STRN: variants seen among roughly 807,000 people sequenced by gnomAD.
STRN encodes striatin, also known as protein phosphatase 2 regulatory subunit B'''alpha.
STRN carries 53 observed loss-of-function variants against 96.3 expected under a neutral mutation model. The observed-to-expected ratio is 0.55, with a 90% CI of 0.44 to 0.69. The LOEUF (loss-of-function observed/expected upper bound fraction) is 0.69. Among genes scored for constraint, STRN ranks in the 30% least tolerant of loss-of-function variants. STRN has a pLI of 0.00. For synonymous variants in STRN, 428 were observed against 355.9 expected (o/e 1.20, Z -2.28); for missense variants, 987 against 963.9 (o/e 1.02, Z -0.32).
At position 36,838,271 on chromosome 2, in the gene STRN, T is replaced by C. The variant is rs1326378733; in HGVS notation, c.*11185A>G. 3.3e-5 allele frequency among the ~76,000 whole-genome samples: 5 copies of C among 152,308 alleles called. No individual in the cohort carries two copies. The highest frequency in any genetic ancestry group is 2.1e-4 in the South Asian group (1 of 4,828). ...GACAGGGACCTCCATCCTCTGACTT[T>C]AATGAGGCTGGAAGCGAATTCCTCC... On this transcript the variant is annotated 3_prime_UTR_variant, in exon 18 of 18. Coordinates refer to ENST00000263918, the MANE Select transcript of STRN (RefSeq NM_003162.4).
chr2:36,965,323 T>A (rs1665131911), intron 1 of STRN, among the ~76,000 whole-genome samples: 1 of 152,250 alleles, frequency 6.6e-6, no homozygotes, highest in South Asian at 2.1e-4. Flanking sequence ...GAACAACCAC[T>A]GAAAACCTAT....
chr2:36,855,179 TAAAC>T (rs1404323898), intron 15 of STRN, 29 bp downstream of exon 15: 4 of 1,602,292 alleles, frequency 2.5e-6, no homozygotes, highest in South Asian at 2.2e-5. Context: ...GTTAAAAAAA[TAAAC>T]ACAGACAATT....
At chr2:36,917,640 C>A (rs1445331275) in intron 2 of STRN, among the ~76,000 whole-genome samples, 2 of 149,952 alleles carry the variant, frequency 1.3e-5, no homozygotes, top group Non-Finnish European at 3.0e-5. Context: ...CAATAATAAT[C>A]ATTTTGCAGT....
rs1668088076 is a variant in STRN, at chr2:36,846,726, T to C, written c.*2730A>G. On this transcript the variant is annotated 3_prime_UTR_variant, in exon 18 of 18. Transcript: ENST00000263918. ...TTGTTAAACTTGTTCAATAGAAAAA[T>C]ACTGAAGGTCATTATATCACTTTTG... The C allele has an allele frequency of 6.6e-6, 1 of 151,844 alleles. No homozygotes were observed. Among genetic ancestry groups the C allele is most frequent in the Non-Finnish European group, 1.5e-5 (1 of 67,958 alleles). 9.4% of individuals were successfully genotyped at this position (151,844 alleles called of 1,614,324 possible).
intron 7 of STRN, among the ~76,000 whole-genome samples, chr2:36,887,055 A>G (rs1181329851): frequency 1.9e-4 from 2 of 10,260 alleles, no homozygotes; most frequent in African/African-American, 2.3e-4. Context: ...ACACACACAC[A>G]CACACACACA....
Position 36,849,379 on chromosome 2 carries a change from C to A in STRN, c.*77G>T. 1 of 1,517,642 alleles carries A rather than the reference C, an allele frequency of 6.6e-7. No individual in the cohort carries two copies. The highest frequency in any genetic ancestry group is 1.2e-5 in the South Asian group (1 of 82,918). The allele number at this position is 1,517,642 out of a possible 1,614,324, so 94.0% of individuals were successfully genotyped here. A position where few individuals can be genotyped will look rare whatever the true frequency, so the allele number is the denominator to read the frequency against. Reference sequence around the variant, plus strand: ...AACAAAAGGGCAGGACGAGATGATTCTTGCCCTCGTCTTCTGTATCTCTTG... The same window carrying A: ...AACAAAAGGGCAGGACGAGATGATTATTGCCCTCGTCTTCTGTATCTCTTG... On this transcript the variant is annotated 3_prime_UTR_variant, in exon 18 of 18. Transcript: ENST00000263918.
chr2:36,949,536 A>C (rs1664701079), intron 1 of STRN, among the ~76,000 whole-genome samples: 1 of 152,242 alleles, frequency 6.6e-6, no homozygotes, highest in Non-Finnish European at 1.5e-5. Flanking sequence ...AGTCACCCAG[A>C]TATGAGGTGA....
chr2:36,954,806 T>C (rs1439413704), intron 1 of STRN, among the ~76,000 whole-genome samples: 1 of 151,800 alleles, frequency 6.6e-6, no homozygotes, highest in Non-Finnish European at 1.5e-5. Flanking sequence ...CCCAGCTAAT[T>C]TTTTGTATTT....
intron 1 of STRN, among the ~76,000 whole-genome samples, chr2:36,954,221 C>G (rs903086099): frequency 1.3e-5 from 2 of 151,870 alleles, no homozygotes; most frequent in Non-Finnish European, 2.9e-5. Context: ...TAAAAAAGCT[C>G]CAAATTTGGC....
At chr2:36,874,494 T>C (rs1318149274) in intron 10 of STRN, among the ~76,000 whole-genome samples, 3 of 151,914 alleles carry the variant, frequency 2.0e-5, no homozygotes, top group Non-Finnish European at 4.4e-5. Context: ...CGAAGAGAAA[T>C]GGCTGAGAAC....
At chr2:36,924,127 C>T (rs1425011423) in intron 2 of STRN, among the ~76,000 whole-genome samples, 1 of 151,884 alleles carries the variant, frequency 6.6e-6, no homozygotes, top group Admixed American at 6.6e-5. Context: ...GAGGCCGAGA[C>T]GGGGGGATCA....
intron 2 of STRN, among the ~76,000 whole-genome samples, chr2:36,920,278 G>A (rs1355320160): frequency 1.3e-5 from 2 of 152,076 alleles, no homozygotes; most frequent in Non-Finnish European, 2.9e-5. Context: ...TTTTAAAAAT[G>A]TCTTAGATTA....
intron 4 of STRN, among the ~76,000 whole-genome samples, chr2:36,903,605 T>G (rs1282860308): frequency 1.3e-5 from 2 of 152,108 alleles, no homozygotes; most frequent in Non-Finnish European, 2.9e-5. Flanking sequence ...AGGCACCGAG[T>G]CTACTGGATG....
chr2:36,943,508 A>G (rs1213419074), intron 1 of STRN, among the ~76,000 whole-genome samples: 1 of 152,104 alleles, frequency 6.6e-6, no homozygotes, highest in East Asian at 1.9e-4. Flanking sequence ...CAGAAGACAT[A>G]AAACAGTTAA....
chr2:36,912,270 ACT>A (rs1428006665), intron 3 of STRN, among the ~76,000 whole-genome samples: 1 of 152,044 alleles, frequency 6.6e-6, no homozygotes, highest in Non-Finnish European at 1.5e-5. Context: ...GCACACACAC[ACT>A]TTCCTTGACC....
rs185813333 is a variant in STRN, at chr2:36,838,255, C to T, written c.*11201G>A. Among the ~76,000 whole-genome samples, 11 of 152,328 alleles carry T rather than the reference C, an allele frequency of 7.2e-5. No individual in the cohort carries two copies. In the East Asian group the frequency reaches 1.9e-3, roughly 27 times the overall value. ...TGACAGTCAGCTAGGAGACAGGGAC[C>T]TCCATCCTCTGACTTTAATGAGGCT... On this transcript the variant is annotated 3_prime_UTR_variant, in exon 18 of 18. Coordinates refer to ENST00000263918, the MANE Select transcript of STRN (RefSeq NM_003162.4).
In STRN at chr2:36,846,442, T is replaced by C. The variant is rs1668080314; in HGVS notation, c.*3014A>G. 1 of 135,828 alleles carries C rather than the reference T, an allele frequency of 7.4e-6. No homozygotes were observed. Among genetic ancestry groups the C allele is most frequent in the African/African-American group, 2.8e-5 (1 of 35,832 alleles). 8.4% of individuals were successfully genotyped at this position (135,828 alleles called of 1,614,324 possible). On this transcript the variant is annotated 3_prime_UTR_variant, in exon 18 of 18. Transcript: ENST00000263918. ...ATATATATATATAGTTTATATATTA[T>C]ATATATTCTTACAATATATATAATA...
intron 14 of STRN, among the ~76,000 whole-genome samples, chr2:36,855,984 T>G (rs1668334465): frequency 6.6e-6 from 1 of 152,058 alleles, no homozygotes; most frequent in African/African-American, 2.4e-5. Flanking sequence ...TGGCTCAAAA[T>G]CTAACTACAG....
chr2:36,942,667 C>T (rs1185263864), intron 1 of STRN, among the ~76,000 whole-genome samples: 1 of 152,124 alleles, frequency 6.6e-6, no homozygotes, highest in African/African-American at 2.4e-5. Flanking sequence ...TCTAACATAT[C>T]TATCTCTCCC....
Sources: allele counts gnomAD v4.1 joint callset (sites outside exome capture counted in the v4.1 genomes callset), GRCh38; gene constraint gnomAD v4.1.1; transcripts MANE v1.5; gene names NCBI Gene and HGNC (gene_info 2026-07-23, HGNC 2026-07-21).